The following CELF2 variants were observed in gnomAD, a reference collection of about 807,000 sequenced individuals.
CELF2 encodes CUGBP Elav-like family member 2, also known as CUG triplet repeat RNA-binding protein 2.
A neutral mutation model predicts 62.6 loss-of-function variants in CELF2; 8 were observed. That is an observed-to-expected ratio of 0.13 (90% confidence interval 0.07 to 0.23). CELF2 has a LOEUF of 0.23. CELF2 is among the 10% of genes least tolerant of loss of function. CELF2 has a pLI of 1.00. For missense variants in CELF2, 333 were observed against 671.0 expected (o/e 0.50, Z 5.56); for synonymous variants, 258 against 250.0 (o/e 1.03, Z -0.30).
chr10:10,888,284 A>G (rs1214814659), intron 1 of CELF2, among the ~76,000 whole-genome samples: 1 of 152,224 alleles, frequency 6.6e-6, no homozygotes, highest in Non-Finnish European at 1.5e-5. Flanking sequence ...CTTACTGGAC[A>G]CATTCTGAAG....
At chr10:10,619,916 C>T in the CELF2 span, among the ~76,000 whole-genome samples, 1 of 151,838 alleles carries the variant, frequency 6.6e-6, no homozygotes, top group African/African-American at 2.4e-5. Flanking sequence ...AAGAGACGAA[C>T]GGAAGGAGAG....
the CELF2 span, among the ~76,000 whole-genome samples, chr10:10,718,076 C>A: frequency 6.6e-6 from 1 of 152,086 alleles, no homozygotes; most frequent in Non-Finnish European, 1.5e-5. Flanking sequence ...TAATTATTAT[C>A]TCTGGAATAT....
intron 2 of CELF2, among the ~76,000 whole-genome samples, chr10:11,172,541 A>C (rs2069266118): frequency 1.3e-5 from 2 of 152,204 alleles, no homozygotes; most frequent in Admixed American, 6.5e-5. Context: ...AATCCCTTTA[A>C]ATGCCCCATA....
chr10:10,522,634 A>T, the CELF2 span, among the ~76,000 whole-genome samples: 1 of 152,160 alleles, frequency 6.6e-6, no homozygotes, highest in African/African-American at 2.4e-5. Flanking sequence ...CAATGGCGCA[A>T]TCTTGGCTCA....
intron 1 of CELF2, among the ~76,000 whole-genome samples, chr10:11,065,317 A>G (rs1028917945): frequency 2.6e-5 from 4 of 152,190 alleles, no homozygotes; most frequent in Non-Finnish European, 5.9e-5. Flanking sequence ...AAAATGTGAG[A>G]TTATCATCTT....
intron 1 of CELF2, among the ~76,000 whole-genome samples, chr10:11,148,843 A>AACACACACACACACAC (rs58567770): frequency 0.012 from 1,719 of 146,870 alleles, 12 homozygotes; most frequent in South Asian, 0.026. Flanking sequence ...TCTTAAACCA[A>AACACACACACACACAC]ACACACACAC....
chr10:11,066,925 C>A (rs1263355936), intron 1 of CELF2, among the ~76,000 whole-genome samples: 2 of 152,252 alleles, frequency 1.3e-5, no homozygotes, highest in Non-Finnish European at 2.9e-5. Context: ...CGGTTGTAAA[C>A]AGCACAGTCA....
chr10:10,614,249 T>A, the CELF2 span, among the ~76,000 whole-genome samples: 1 of 152,076 alleles, frequency 6.6e-6, no homozygotes, highest in Non-Finnish European at 1.5e-5. Context: ...TTAGCCATTT[T>A]TATTACGCTC....
At chr10:11,092,498 G>A (rs952183624) in intron 1 of CELF2, 2 of 152,160 alleles carry the variant, frequency 1.3e-5, no homozygotes, top group Non-Finnish European at 2.9e-5. Flanking sequence ...TTAACGTTAC[G>A]TGGGCGCCTT....
At chr10:11,262,659 G>A (rs2081014309) in intron 5 of CELF2, among the ~76,000 whole-genome samples, 1 of 152,146 alleles carries the variant, frequency 6.6e-6, no homozygotes, top group Admixed American at 6.5e-5. Context: ...CATCAGGGAT[G>A]GCCCATCAGA....
At chr10:10,564,914 C>T in the CELF2 span, among the ~76,000 whole-genome samples, 1 of 152,124 alleles carries the variant, frequency 6.6e-6, no homozygotes, top group South Asian at 2.1e-4. Context: ...ATGTGCCAGG[C>T]ACTGTGGTAA....
At chr10:10,614,868 A>G in the CELF2 span, among the ~76,000 whole-genome samples, 2 of 152,116 alleles carry the variant, frequency 1.3e-5, no homozygotes, top group Non-Finnish European at 2.9e-5. Flanking sequence ...GGAAACAGAC[A>G]CAGGAAAGAG....
chr10:10,476,546 T>G, the CELF2 span, among the ~76,000 whole-genome samples: 136 of 152,292 alleles, frequency 8.9e-4, no homozygotes, highest in South Asian at 0.022. Context: ...GCCCTTTTCC[T>G]ACTCTCCAAT....
intron 2 of CELF2, among the ~76,000 whole-genome samples, chr10:11,204,482 G>A (rs984041549): frequency 2.0e-5 from 3 of 152,222 alleles, no homozygotes; most frequent in Admixed American, 2.0e-4. Context: ...ATGCTCCGGT[G>A]AGAGTCAACC....
At chr10:10,541,100 G>A in the CELF2 span, among the ~76,000 whole-genome samples, 37 of 151,760 alleles carry the variant, frequency 2.4e-4, no homozygotes, top group African/African-American at 7.5e-4. Flanking sequence ...AAAATTAGCC[G>A]GGCGTGGTGG....
At chr10:11,150,528 A>G (rs1477848166) in intron 1 of CELF2, among the ~76,000 whole-genome samples, 2 of 152,270 alleles carry the variant, frequency 1.3e-5, no homozygotes, top group African/African-American at 4.8e-5. Flanking sequence ...TCTAAAAGAT[A>G]CTTTTGACAC....
chr10:11,154,516 G>A (rs1037010510), intron 1 of CELF2, among the ~76,000 whole-genome samples: 2 of 152,250 alleles, frequency 1.3e-5, no homozygotes, highest in African/African-American at 2.4e-5. Context: ...AGAGAACTCT[G>A]GAAGTCCTCT....
chr10:10,848,966 C>G (rs2059197250), intron 1 of CELF2, among the ~76,000 whole-genome samples: 1 of 152,164 alleles, frequency 6.6e-6, no homozygotes, highest in South Asian at 2.1e-4. Flanking sequence ...AAAAATCAGA[C>G]AACAGCCTCT....
At chr10:10,731,655 AG>A in the CELF2 span, among the ~76,000 whole-genome samples, 28 of 152,230 alleles carry the variant, frequency 1.8e-4, no homozygotes, top group Admixed American at 1.8e-3. Flanking sequence ...TAACACTTCT[AG>A]AAAGAAAATC....
Sources: gnomAD v4.1 joint callset for allele counts (sites outside exome capture counted in the v4.1 genomes callset) on GRCh38, gnomAD v4.1.1 for gene constraint, MANE v1.5 for transcripts, NCBI Gene and HGNC (gene_info 2026-07-23, HGNC 2026-07-21) for gene names.